The following AUTS2 variants were observed in gnomAD, a reference collection of about 807,000 sequenced individuals.
The protein encoded by AUTS2 is activator of transcription and developmental regulator AUTS2.
Under a neutral mutation model 112.4 loss-of-function variants are expected in AUTS2, and 17 were observed. The observed-to-expected ratio is 0.15, with a 90% CI of 0.10 to 0.23. The LOEUF (loss-of-function observed/expected upper bound fraction) is 0.23, where lower values mean the gene tolerates loss of function less well. AUTS2 is among the 10% of genes least tolerant of loss of function. The pLI, the probability that AUTS2 is intolerant of heterozygous loss-of-function variation, is 1.00. For synonymous variants in AUTS2, 751 were observed against 702.7 expected (o/e 1.07, Z -1.09); for missense variants, 1,510 against 1,701.6 (o/e 0.89, Z 1.98).
intron 4 of AUTS2, among the ~76,000 whole-genome samples, chr7:70,424,269 G>A (rs1012851883): frequency 3.9e-5 from 6 of 152,290 alleles, no homozygotes; most frequent in South Asian, 2.1e-4. Context: ...GCAGAAATAC[G>A]GCTATATGGC....
chr7:69,917,758 G>A (rs1301437062), intron 2 of AUTS2, among the ~76,000 whole-genome samples: 7 of 152,086 alleles, frequency 4.6e-5, no homozygotes, highest in Admixed American at 4.6e-4. Context: ...AGAACATAGG[G>A]TATTTGGTTT....
At chr7:70,316,987 A>G (rs1790026590) in intron 4 of AUTS2, 2 of 152,142 alleles carry the variant, frequency 1.3e-5, no homozygotes, top group Admixed American at 1.3e-4. Context: ...ATCTGGCAGC[A>G]TGTCTCTGGG....
chr7:70,591,461 C>T (rs1802942841), intron 5 of AUTS2, among the ~76,000 whole-genome samples: 1 of 152,126 alleles, frequency 6.6e-6, no homozygotes, highest in African/African-American at 2.4e-5. Flanking sequence ...TGCAGTGGTG[C>T]TATCTCAGCT....
intron 2 of AUTS2, among the ~76,000 whole-genome samples, chr7:69,903,080 T>C (rs1680145513): frequency 6.6e-6 from 1 of 152,156 alleles, no homozygotes; most frequent in Non-Finnish European, 1.5e-5. Context: ...AGACATGATA[T>C]AAAAAAAGTT....
rs113184727 is a variant in AUTS2 at position 70,570,377 on chromosome 7, G to C, written c.691-128192G>C. Among the ~76,000 whole-genome samples the C allele has an allele frequency of 4.5e-3, 684 of 152,252 alleles. 7 individuals carry two copies. The highest frequency in any genetic ancestry group is 0.015 in the African/African-American group (637 of 41,546). ...TTATTCAACACACTATATTGGACTT[G>C]TGTAAAGAGAACTTGCACCCTGGGA... On this transcript the variant is annotated intron_variant, in intron 5 of 18. Transcript: ENST00000342771.
chr7:70,124,774 G>A (rs989973936), intron 3 of AUTS2, among the ~76,000 whole-genome samples: 1 of 152,090 alleles, frequency 6.6e-6, no homozygotes, highest in African/African-American at 2.4e-5. Flanking sequence ...TGTTGGCCAG[G>A]ATGGTCTCAA....
intron 4 of AUTS2, among the ~76,000 whole-genome samples, chr7:70,359,575 G>A (rs1426844516): frequency 2.0e-5 from 3 of 152,206 alleles, no homozygotes; most frequent in South Asian, 2.1e-4. Flanking sequence ...CCCAAGGGGC[G>A]CCCTTGCTTT....
intron 1 of AUTS2, among the ~76,000 whole-genome samples, chr7:69,667,592 G>A (rs1478178955): frequency 2.0e-5 from 3 of 152,106 alleles, no homozygotes; most frequent in Non-Finnish European, 4.4e-5. Context: ...CTGATCTCAG[G>A]TGATCTGCCT....
intron 4 of AUTS2, among the ~76,000 whole-genome samples, chr7:70,377,361 TATATATATATATAGTG>T (rs2129631669): frequency 1.8e-5 from 2 of 110,052 alleles, no homozygotes; most frequent in East Asian, 5.2e-4. Context: ...TATATATATA[TATATATATATATAGTG>T]ATATATATAT....
intron 5 of AUTS2, among the ~76,000 whole-genome samples, chr7:70,586,729 C>T (rs38321): frequency 0.13 from 20,324 of 152,146 alleles, 1,689 homozygotes; most frequent in East Asian, 0.2. Context: ...GATTTGCCTC[C>T]GGAGACCCTG....
intron 4 of AUTS2, among the ~76,000 whole-genome samples, chr7:70,342,078 T>C (rs1210428794): frequency 6.6e-6 from 1 of 152,182 alleles, no homozygotes; most frequent in African/African-American, 2.4e-5. Context: ...GCCTCTGCAG[T>C]GCCCAGATTC....
Position 69,713,998 on chromosome 7 carries a change from T to C in AUTS2, c.309+114036T>C, listed in dbSNP as rs1798459409. Reference sequence around the variant, plus strand: ...GGTTACAAAGTTTCTTCTAGAAGTTTTGTCATGTTAAGTTTTACATTTAGG... The same window carrying C: ...GGTTACAAAGTTTCTTCTAGAAGTTCTGTCATGTTAAGTTTTACATTTAGG... On this transcript the variant is annotated intron_variant, in intron 1 of 18. Transcript: ENST00000342771. Among the ~76,000 whole-genome samples the C allele has an allele frequency of 2.0e-5, 3 of 152,154 alleles. No individual in the cohort carries two copies. The South Asian group carries it at 6.2e-4, about 32-fold the overall frequency.
chr7:70,553,758 TTC>T (rs56761423), intron 5 of AUTS2, among the ~76,000 whole-genome samples: 10,359 of 122,440 alleles, frequency 0.085, 740 homozygotes, highest in Non-Finnish European at 0.1. Context: ...AGGCCTTTCT[TTC>T]TTTTTTTTTT....
At chr7:70,682,164 G>A (rs1045117392) in intron 5 of AUTS2, among the ~76,000 whole-genome samples, 2 of 152,190 alleles carry the variant, frequency 1.3e-5, no homozygotes, top group Non-Finnish European at 2.9e-5. Context: ...ATTTGAAACT[G>A]AAATCACAGA....
intron 1 of AUTS2, among the ~76,000 whole-genome samples, chr7:69,892,190 T>A (rs1414183498): frequency 7.4e-6 from 1 of 136,002 alleles, no homozygotes; most frequent in African/African-American, 2.8e-5. Context: ...TTTTTTTTTT[T>A]AAGATGGAAT....
At chr7:70,620,196 C>T (rs1424238961) in intron 5 of AUTS2, among the ~76,000 whole-genome samples, 2 of 152,188 alleles carry the variant, frequency 1.3e-5, no homozygotes, top group African/African-American at 4.8e-5. Flanking sequence ...CAGACACCTT[C>T]CTGAAAAACT....
intron 4 of AUTS2, among the ~76,000 whole-genome samples, chr7:70,270,523 C>T (rs1283438335): frequency 6.6e-6 from 1 of 152,040 alleles, no homozygotes; most frequent in Admixed American, 6.6e-5. Context: ...CATTAAGACC[C>T]TTGTACAGTA....
At chr7:70,414,625 A>G (rs1335587677) in intron 4 of AUTS2, among the ~76,000 whole-genome samples, 2 of 152,182 alleles carry the variant, frequency 1.3e-5, no homozygotes, top group Non-Finnish European at 2.9e-5. Context: ...GGTGAGAAAG[A>G]GGATTCTGCT....
chr7:69,996,946 T>TAAAA lies in AUTS2; in HGVS notation c.522+97463_522+97466dup, dbSNP rs1161825217. 3.4e-4 allele frequency among the ~76,000 whole-genome samples: 34 copies of TAAAA among 99,030 alleles called. No individual in the cohort carries two copies. In the South Asian group the frequency reaches 9.6e-3, roughly 28 times the overall value. 65.0% of individuals were successfully genotyped at this position (99,030 alleles called of 152,430 possible). ...CTTTTTCGAAATAACCTGGAACACT[T>TAAAA]AAAAAAAAAAAAAAAAAAGCAAACT... On this transcript the variant is annotated intron_variant, in intron 2 of 18. Coordinates refer to ENST00000342771, the MANE Select transcript of AUTS2 (RefSeq NM_015570.4).
Sources: gnomAD v4.1 joint callset for allele counts (sites outside exome capture counted in the v4.1 genomes callset) on GRCh38, gnomAD v4.1.1 for gene constraint, MANE v1.5 for transcripts, NCBI Gene and HGNC (gene_info 2026-07-23, HGNC 2026-07-21) for gene names.